The following LRP6 variants were observed in gnomAD, a reference collection of about 807,000 sequenced individuals.
LRP6 encodes low-density lipoprotein receptor-related protein 6.
A neutral mutation model predicts 184.1 loss-of-function variants in LRP6; 43 were observed. That is an observed-to-expected ratio of 0.23 (90% confidence interval 0.18 to 0.30). The LOEUF (loss-of-function observed/expected upper bound fraction) is 0.30, where lower values mean the gene tolerates loss of function less well. Ranked by LOEUF, LRP6 falls within the 10% of genes least tolerant of loss-of-function variation. LRP6 has a pLI of 1.00. For missense variants in LRP6, 1,571 were observed against 2,005.3 expected (o/e 0.78, Z 4.14); for synonymous variants, 719 against 684.9 (o/e 1.05, Z -0.78).
At chr12:12,195,310 C>A (rs527543680) in intron 3 of LRP6, among the ~76,000 whole-genome samples, 1 of 152,192 alleles carries the variant, frequency 6.6e-6, no homozygotes, top group East Asian at 1.9e-4. Flanking sequence ...AGTTTATACT[C>A]CCACCAACAG....
intron 18 of LRP6, among the ~76,000 whole-genome samples, chr12:12,131,128 G>C (rs574522674): frequency 1.2e-5 from 1 of 86,116 alleles, no homozygotes; most frequent in South Asian, 4.3e-4. Context: ...TTTTTTTTGA[G>C]ACGGAGTCTT....
At chr12:12,146,743 A>T (rs181622671) in intron 15 of LRP6, among the ~76,000 whole-genome samples, 1 of 152,378 alleles carries the variant, frequency 6.6e-6, no homozygotes, top group East Asian at 1.9e-4. Flanking sequence ...TTTAGGAGCC[A>T]TGTGTAAACT....
intron 2 of LRP6, among the ~76,000 whole-genome samples, chr12:12,230,671 A>G (rs983013337): frequency 1.1e-4 from 16 of 152,252 alleles, no homozygotes; most frequent in African/African-American, 3.9e-4. Flanking sequence ...AGAATAGACA[A>G]TATTTTAAAA....
chr12:12,249,099 G>T, intron 1 of LRP6: 6 of 706,592 alleles, frequency 8.5e-6, no homozygotes, highest in Non-Finnish European at 1.6e-5. Context: ...CTGAGGTCTA[G>T]ACAATGATAA....
At chr12:12,226,966 A>G (rs1864641770) in intron 2 of LRP6, among the ~76,000 whole-genome samples, 2 of 152,186 alleles carry the variant, frequency 1.3e-5, no homozygotes, top group South Asian at 4.1e-4. Context: ...AAGGCAAAAC[A>G]AAACCAACCA....
At chr12:12,156,244 G>C (rs1458155376) in intron 12 of LRP6, among the ~76,000 whole-genome samples, 1 of 152,162 alleles carries the variant, frequency 6.6e-6, no homozygotes, top group African/African-American at 2.4e-5. Flanking sequence ...GCAAAGACTT[G>C]GACGTGAAGG....
chr12:12,136,926 T>A (rs1410910585), intron 16 of LRP6, among the ~76,000 whole-genome samples: 2 of 152,176 alleles, frequency 1.3e-5, no homozygotes, highest in Non-Finnish European at 2.9e-5. Context: ...AATCTTGAGA[T>A]TTTCTGTAAT....
intron 20 of LRP6, among the ~76,000 whole-genome samples, chr12:12,126,028 A>C (rs903201587): frequency 3.9e-5 from 6 of 152,190 alleles, no homozygotes; most frequent in Non-Finnish European, 8.8e-5. Context: ...CACCCATAGT[A>C]AGTTCCTATT....
At chr12:12,163,192 T>C (rs1031641039) in intron 9 of LRP6, among the ~76,000 whole-genome samples, 12 of 151,998 alleles carry the variant, frequency 7.9e-5, no homozygotes, top group African/African-American at 2.9e-4. Flanking sequence ...GCCAGGCTGT[T>C]CTCAAACTCG....
chr12:12,136,085 G>T (rs760005179), intron 16 of LRP6, among the ~76,000 whole-genome samples: 39 of 152,032 alleles, frequency 2.6e-4, no homozygotes, highest in Non-Finnish European at 4.4e-5. Context: ...TACTCGGGAG[G>T]CTGAGGCATA....
At chr12:12,249,438 G>A in intron 1 of LRP6, 1 of 742,772 alleles carries the variant, frequency 1.3e-6, no homozygotes, top group African/African-American at 1.7e-5. Flanking sequence ...TAATCGAAAA[G>A]AAAAACCACA....
intron 2 of LRP6, among the ~76,000 whole-genome samples, chr12:12,241,093 C>T (rs1324102437): frequency 6.6e-6 from 1 of 152,122 alleles, no homozygotes; most frequent in African/African-American, 2.4e-5. Flanking sequence ...TCCATACATC[C>T]GAAAGCACAC....
chr12:12,136,700 T>A (rs1949844952), intron 16 of LRP6, among the ~76,000 whole-genome samples: 1 of 152,156 alleles, frequency 6.6e-6, no homozygotes, highest in East Asian at 1.9e-4. Context: ...ACTGAGGGAG[T>A]CAGCTATCTA....
chr12:12,129,644 C>T (rs933115084), intron 19 of LRP6, among the ~76,000 whole-genome samples: 3 of 152,100 alleles, frequency 2.0e-5, no homozygotes, highest in Non-Finnish European at 2.9e-5. Flanking sequence ...CCTCCACCTC[C>T]CGGGTTCAAA....
At chr12:12,193,499 C>A (rs914445739) in intron 3 of LRP6, among the ~76,000 whole-genome samples, 3 of 142,974 alleles carry the variant, frequency 2.1e-5, no homozygotes, top group South Asian at 2.2e-4. Flanking sequence ...CTAGACTGAC[C>A]CAAAAAAAAA....
At chr12:12,198,064 G>T (rs150198295) in intron 3 of LRP6, among the ~76,000 whole-genome samples, 2 of 152,122 alleles carry the variant, frequency 1.3e-5, no homozygotes, top group Non-Finnish European at 2.9e-5. Flanking sequence ...GATTACAAGC[G>T]CCCACCACCA....
At chr12:12,181,004 A>C in intron 6 of LRP6, 39 bp downstream of exon 6, 1 of 1,612,476 alleles carries the variant, frequency 6.2e-7, no homozygotes, top group Non-Finnish European at 8.5e-7. Flanking sequence ...TGAAAAACAG[A>C]AACACCACAC....
At chr12:12,260,728 A>G (rs1321524094) in intron 1 of LRP6, among the ~76,000 whole-genome samples, 1 of 152,208 alleles carries the variant, frequency 6.6e-6, no homozygotes, top group African/African-American at 2.4e-5. Flanking sequence ...ATCCCCACCT[A>G]ACAGGAAAGG....
intron 2 of LRP6, among the ~76,000 whole-genome samples, chr12:12,222,578 AG>A (rs57113828): frequency 0.54 from 75,177 of 139,926 alleles, 20,811 homozygotes; most frequent in East Asian, 0.69. Flanking sequence ...AAAAAAAAAA[AG>A]AAAGAAAGAA....
Sources: allele counts gnomAD v4.1 joint callset (sites outside exome capture counted in the v4.1 genomes callset), GRCh38; gene constraint gnomAD v4.1.1; transcripts MANE v1.5; gene names NCBI Gene and HGNC (gene_info 2026-07-23, HGNC 2026-07-21).